The following TBC1D23 variants were observed in gnomAD, a reference collection of about 807,000 sequenced individuals.
The protein encoded by TBC1D23 is TBC1 domain family member 23.
TBC1D23 carries 55 observed loss-of-function variants against 91.4 expected under a neutral mutation model. That is an observed-to-expected ratio of 0.60 (90% confidence interval 0.48 to 0.75). The LOEUF (loss-of-function observed/expected upper bound fraction) is 0.75. Ranked by LOEUF, TBC1D23 falls within the 30% of genes least tolerant of loss-of-function variation. The pLI, the probability that TBC1D23 is intolerant of heterozygous loss-of-function variation, is 0.00. For missense variants in TBC1D23, 725 were observed against 836.1 expected, an observed-to-expected ratio of 0.87 and a Z score of 1.64; for synonymous variants, 289 against 281.0, an observed-to-expected ratio of 1.03 and a Z score of -0.28.
rs756575973 is a variant in TBC1D23 at position 100,323,638 on chromosome 3, C to T, written c.2070C>T (p.Ile690=). 1.3e-6 allele frequency: 2 copies of T among 1,534,576 alleles called. No homozygotes were observed. The highest frequency in any genetic ancestry group is 2.4e-5 in the East Asian group (1 of 41,890). The change falls in exon 19 of 19, where the codon ATC becomes ATT. Residue 690 remains isoleucine (I), a synonymous_variant. Coordinates refer to ENST00000394144, the MANE Select transcript of TBC1D23 (RefSeq NM_001199198.3). Reference sequence around the variant, plus strand: ...CAACTAAAGCCATAAAACAGCAGATCATGAAAGTTTTGGATGCTTTGGAAA... The same window carrying T: ...CAACTAAAGCCATAAAACAGCAGATTATGAAAGTTTTGGATGCTTTGGAAA... ...GDATKAIKQQ[I]MKVLDALES
chr3:100,312,597 A>T (rs1262330282), intron 15 of TBC1D23, among the ~76,000 whole-genome samples: 2 of 152,164 alleles, frequency 1.3e-5, no homozygotes, highest in African/African-American at 2.4e-5. Flanking sequence ...GAACTTTACT[A>T]ACTTAACTCT....
At chr3:100,317,081 CA>C (rs34131078) in intron 16 of TBC1D23, among the ~76,000 whole-genome samples, 33,835 of 117,496 alleles carry the variant, frequency 0.29, 4,066 homozygotes, top group East Asian at 0.52. Context: ...GACTCTGTCT[CA>C]AAAAAAAAAA....
chr3:100,276,680 G>A (rs970015617), intron 1 of TBC1D23, among the ~76,000 whole-genome samples: 2 of 152,192 alleles, frequency 1.3e-5, no homozygotes, highest in African/African-American at 4.8e-5. Flanking sequence ...ACAATGCTTA[G>A]ATTAGGTGAT....
chr3:100,316,113 G>A lies in TBC1D23; in HGVS notation c.1613G>A (p.Ser538Asn). The change falls in exon 16 of 19, where the codon AGT becomes AAT. Residue 538 changes from serine (S) to asparagine (N), a missense_variant. Ser to Asn is a conservative substitution (Grantham distance 46). Transcript: ENST00000394144. Reference sequence around the variant, plus strand: ...TTTGAATATAGGCATGTGAGCAGCAGTGACAGAGTGGGCAAGCCTTACCGT... The same window carrying A: ...TTTGAATATAGGCATGTGAGCAGCAATGACAGAGTGGGCAAGCCTTACCGT... Reference protein sequence around the residue: ...RSCTERHVSSSDRVGKPYRGV... With the variant: ...RSCTERHVSSNDRVGKPYRGV... 1 of 1,613,922 alleles carries A rather than the reference G, an allele frequency of 6.2e-7. No individual in the cohort carries two copies. The highest frequency in any genetic ancestry group is 1.3e-5 in the African/African-American group (1 of 75,048).
At position 100,310,484 on chromosome 3, in the gene TBC1D23, G is replaced by C; in HGVS notation, c.1495G>C (p.Val499Leu). The C allele has an allele frequency of 6.2e-7, 1 of 1,613,558 alleles. No homozygotes were observed. The highest frequency in any genetic ancestry group is 8.5e-7 in the Non-Finnish European group (1 of 1,179,668). ...KMTVALKTKSVNVREKVISFI... is the reference protein window; with the variant it reads ...KMTVALKTKSLNVREKVISFI... Reference sequence around the variant, plus strand: ...GACTGTGGCTTTGAAGACAAAATCCGTTAATGTCAGGGAAAAAGTTATCAG... The same window carrying C: ...GACTGTGGCTTTGAAGACAAAATCCCTTAATGTCAGGGAAAAAGTTATCAG... Residue 499 changes from valine (V) to leucine (L), a missense_variant, in exon 14 of 19, where the codon GTT (valine) becomes CTT (leucine). Physicochemically the swap from Val to Leu is conservative, Grantham distance 32. Coordinates refer to ENST00000394144, the MANE Select transcript of TBC1D23 (RefSeq NM_001199198.3).
chr3:100,296,580 C>T (rs1016391976), intron 8 of TBC1D23, among the ~76,000 whole-genome samples: 2 of 152,034 alleles, frequency 1.3e-5, no homozygotes, highest in Non-Finnish European at 2.9e-5. Flanking sequence ...TATTACAGGG[C>T]CGGGCGTGGT....
chr3:100,320,453 TA>T (rs1331498425), intron 17 of TBC1D23, among the ~76,000 whole-genome samples: 1 of 152,152 alleles, frequency 6.6e-6, no homozygotes, highest in Non-Finnish European at 1.5e-5. Context: ...GTAATAGCGT[TA>T]AAAAATCTGA....
chr3:100,301,565 T>C (rs1342040019), intron 10 of TBC1D23, among the ~76,000 whole-genome samples: 1 of 152,238 alleles, frequency 6.6e-6, no homozygotes, highest in Non-Finnish European at 1.5e-5. Context: ...GTAGTTATTG[T>C]CGTACTTGTT....
chr3:100,311,748 TA>T, intron 14 of TBC1D23, 84 bp from the exon 15 acceptor site: 1 of 922,102 alleles, frequency 1.1e-6, no homozygotes, highest in Non-Finnish European at 1.7e-6. Context: ...TGAGAAAAAC[TA>T]AACTGTACCA....
intron 5 of TBC1D23, among the ~76,000 whole-genome samples, chr3:100,291,518 G>T (rs929050966): frequency 6.6e-6 from 1 of 151,678 alleles, no homozygotes; most frequent in Non-Finnish European, 1.5e-5. Flanking sequence ...GGGAGGCGGA[G>T]GTTGCAGTGA....
intron 16 of TBC1D23, among the ~76,000 whole-genome samples, chr3:100,318,822 T>G (rs1341172929): frequency 6.6e-6 from 1 of 152,022 alleles, no homozygotes; most frequent in African/African-American, 2.4e-5. Flanking sequence ...AGCTAATTTT[T>G]TGTATTTTTT....
intron 1 of TBC1D23, among the ~76,000 whole-genome samples, chr3:100,275,622 T>C (rs2067642614): frequency 6.6e-6 from 1 of 152,218 alleles, no homozygotes. Context: ...ACTTGATCTT[T>C]AAATTCTTTC....
Position 100,281,778 on chromosome 3 carries a change from G to C in TBC1D23, c.202G>C (p.Ala68Pro), listed in dbSNP as rs769686169. The C allele has an allele frequency of 2.5e-5, 40 of 1,612,742 alleles. No individual in the cohort carries two copies. The highest frequency in any genetic ancestry group is 4.0e-5 in the African/African-American group (3 of 74,844). Residue 68 changes from alanine (A) to proline (P), a missense_variant, in exon 3 of 19, where the codon GCA (alanine) becomes CCA (proline). Transcript: ENST00000394144. ...TGTTGCAGGAAAAGGTGATAGTTTG[G>C]CATCATGGGATGGTATTTTAGACTT... Reference protein sequence around the residue: ...LNVAGKGDSLASWDGILDLPE... With the variant: ...LNVAGKGDSLPSWDGILDLPE...
At chr3:100,304,801 T>G (rs1705489361) in intron 11 of TBC1D23, 45 bp from the exon 12 acceptor site, 1 of 952,968 alleles carries the variant, frequency 1.0e-6, no homozygotes, top group East Asian at 2.4e-5. Flanking sequence ...AAGTTTTAAT[T>G]AAGTCGCAGT....
chr3:100,269,563 G>A (rs2067584554), intron 1 of TBC1D23, among the ~76,000 whole-genome samples: 3 of 152,248 alleles, frequency 2.0e-5, no homozygotes, highest in African/African-American at 7.2e-5. Flanking sequence ...TTTGAGGTTG[G>A]TATTTAAAAA....
At chr3:100,267,020 T>C (rs972656040) in intron 1 of TBC1D23, among the ~76,000 whole-genome samples, 2 of 152,216 alleles carry the variant, frequency 1.3e-5, no homozygotes, top group Non-Finnish European at 2.9e-5. Context: ...GAAAAAAATT[T>C]GAAACAGTTT....
intron 8 of TBC1D23, among the ~76,000 whole-genome samples, chr3:100,296,577 G>T (rs1445979871): frequency 6.6e-6 from 1 of 151,934 alleles, no homozygotes; most frequent in African/African-American, 2.4e-5. Context: ...TTATATTACA[G>T]GGCCGGGCGT....
chr3:100,275,125 G>A (rs528844169), intron 1 of TBC1D23, among the ~76,000 whole-genome samples: 11 of 152,156 alleles, frequency 7.2e-5, no homozygotes, highest in Non-Finnish European at 1.2e-4. Context: ...TAGTGGCTGC[G>A]TCATTTTGCA....
At chr3:100,276,521 A>G (rs960341746) in intron 1 of TBC1D23, among the ~76,000 whole-genome samples, 3 of 152,322 alleles carry the variant, frequency 2.0e-5, no homozygotes, top group South Asian at 2.1e-4. Flanking sequence ...TCTCCCATAC[A>G]TTGTGCAAAT....
Sources: gnomAD v4.1 joint callset for allele counts (sites outside exome capture counted in the v4.1 genomes callset) on GRCh38, gnomAD v4.1.1 for gene constraint, MANE v1.5 for transcripts, NCBI Gene and HGNC (gene_info 2026-07-23, HGNC 2026-07-21) for gene names.